The following SLC28A3 variants were observed in gnomAD, a reference collection of about 807,000 sequenced individuals.
SLC28A3 encodes the protein concentrative Na(+)-nucleoside cotransporter 3.
A neutral mutation model predicts 84.2 loss-of-function variants in SLC28A3; 68 were observed. The ratio of observed to expected loss-of-function variants is 0.81; its 90% CI spans 0.66 to 0.99. SLC28A3 has a LOEUF of 0.99. SLC28A3 is among the 50% of genes least tolerant of loss of function. The probability of loss-of-function intolerance (pLI) is 0.00; values close to 1 mark genes in which losing one functional copy is unlikely to be tolerated. For synonymous variants in SLC28A3, 267 were observed against 303.6 expected (o/e 0.88, Z 1.25); for missense variants, 712 against 841.5 (o/e 0.85, Z 1.90).
chr9:84,316,092 G>A (rs1192808705), intron 1 of SLC28A3, among the ~76,000 whole-genome samples: 1 of 152,154 alleles, frequency 6.6e-6, no homozygotes, highest in African/African-American at 2.4e-5. Context: ...TAGTAACCAG[G>A]AGTACATTGT....
Position 84,280,898 on chromosome 9 carries a change from AAC to A in SLC28A3, c.1648-18_1648-17del. The stretch of plus-strand genomic sequence containing the variant: ...CAGAACGAATCTGTAAGCAAGCATA[AAC>A]ACATATGTATACACAATCTGAGCTG... On this transcript the variant is annotated splice_polypyrimidine_tract_variant and intron_variant, in intron 14 of 17. Transcript: ENST00000376238. 1 of 1,613,180 alleles carries A rather than the reference AAC, an allele frequency of 6.2e-7. No individual in the cohort carries two copies. The highest frequency in any genetic ancestry group is 8.5e-7 in the Non-Finnish European group (1 of 1,179,402).
chr9:84,344,282 G>A (rs558557975), upstream of SLC28A3, among the ~76,000 whole-genome samples: 5 of 145,828 alleles, frequency 3.4e-5, no homozygotes, highest in East Asian at 4.1e-4. Flanking sequence ...TCCGACTTCC[G>A]GGTTCAAGTG....
rs1355847619 is a variant in SLC28A3, at chr9:84,299,725, C to T, written c.525G>A (p.Trp175Ter). 1 of 1,580,714 alleles carries T rather than the reference C, an allele frequency of 6.3e-7. No individual in the cohort carries two copies. Among genetic ancestry groups the T allele is most frequent in the East Asian group, 2.2e-5 (1 of 44,646 alleles). The change falls in exon 6 of 18, where the codon TGG (tryptophan) becomes TGA (stop). Residue 175 changes from tryptophan (W) to a stop codon, truncating the protein, a stop_gained and splice_region_variant. Coordinates refer to ENST00000376238, the MANE Select transcript of SLC28A3 (RefSeq NM_001199633.2). LOFTEE classifies it high-confidence loss of function. ...CTAGGACCAGGGAGCTCCAGATCAC[C>T]CTAAGAGAAGGGGAAAGGAGGCATT... ...LLNSHWFWLK[W>*]VIWSSLVLAV...
At chr9:84,334,641 T>TA (rs35255888) in intron 1 of SLC28A3, among the ~76,000 whole-genome samples, 14 of 150,920 alleles carry the variant, frequency 9.3e-5, no homozygotes, top group African/African-American at 3.2e-4. Flanking sequence ...TTTTTTTTTT[T>TA]AACATAAAAA....
chr9:84,290,376 A>G (rs1189638817), intron 10 of SLC28A3, 97 bp from the exon 11 acceptor site: 22 of 1,475,130 alleles, frequency 1.5e-5, no homozygotes, highest in Non-Finnish European at 1.2e-5. Flanking sequence ...TTTAAAGCAG[A>G]CAGTTTCTAA....
chr9:84,365,748 A>T, the SLC28A3 span, among the ~76,000 whole-genome samples: 1 of 152,142 alleles, frequency 6.6e-6, no homozygotes. Flanking sequence ...ATATTTTCAG[A>T]CAAGATTGGG....
chr9:84,339,738 C>A (rs1827095168), intron 1 of SLC28A3, among the ~76,000 whole-genome samples: 1 of 152,164 alleles, frequency 6.6e-6, no homozygotes, highest in Admixed American at 6.5e-5. Context: ...TCACTGTGAC[C>A]ATGGGACAGA....
At chr9:84,360,730 C>T in the SLC28A3 span, among the ~76,000 whole-genome samples, 1 of 151,240 alleles carries the variant, frequency 6.6e-6, no homozygotes, top group South Asian at 2.1e-4. Context: ...CCAGTCTGGG[C>T]AACATAGTGA....
chr9:84,313,406 T>C lies in SLC28A3; in HGVS notation c.109A>G (p.Ile37Val), dbSNP rs558328765. 1 of 1,614,136 alleles carries C rather than the reference T, an allele frequency of 6.2e-7. No homozygotes were observed. Among genetic ancestry groups the C allele is most frequent in the South Asian group, 1.1e-5 (1 of 91,084 alleles). Residue 37 changes from isoleucine to valine, a missense_variant, in exon 2 of 18, where the codon ATA (isoleucine) becomes GTA (valine). Coordinates refer to ENST00000376238, the MANE Select transcript of SLC28A3 (RefSeq NM_001199633.2). ...CTGCTTTGCACAGCTCTGCTTCTTA[T>C]TGAGTTGTTTCCTGATGTGTTCTCG... ...ENENTSGNNSIRSRAVQSREH... is the reference protein window; with the variant it reads ...ENENTSGNNSVRSRAVQSREH...
At chr9:84,285,621 C>A in intron 13 of SLC28A3, 79 bp from the exon 14 acceptor site, 1 of 1,415,176 alleles carries the variant, frequency 7.1e-7, no homozygotes, top group Non-Finnish European at 9.9e-7. Flanking sequence ...AACACTGTTC[C>A]TGACCCCTCT....
chr9:84,301,605 G>A (rs1187276264), intron 5 of SLC28A3, among the ~76,000 whole-genome samples: 1 of 152,150 alleles, frequency 6.6e-6, no homozygotes, highest in South Asian at 2.1e-4. Context: ...AAGAGAATGG[G>A]TACAACTTGT....
intron 1 of SLC28A3, among the ~76,000 whole-genome samples, chr9:84,329,819 T>C (rs961939764): frequency 3.3e-5 from 5 of 152,128 alleles, no homozygotes; most frequent in African/African-American, 1.2e-4. Context: ...GGATTGCTTG[T>C]ACCCAGGAGT....
chr9:84,285,245 CA>C (rs1824933949), intron 14 of SLC28A3, 99 bp downstream of exon 14: 5 of 1,192,238 alleles, frequency 4.2e-6, no homozygotes, highest in South Asian at 2.8e-5. Flanking sequence ...TAATCTATCC[CA>C]GGTGCCTGGC....
At chr9:84,351,477 G>A in the SLC28A3 span, among the ~76,000 whole-genome samples, 3 of 151,966 alleles carry the variant, frequency 2.0e-5, no homozygotes, top group Non-Finnish European at 2.9e-5. Flanking sequence ...TGGGCAACAT[G>A]GTAAAACCCC....
At chr9:84,326,072 T>A (rs1356592809) in intron 1 of SLC28A3, among the ~76,000 whole-genome samples, 2 of 152,190 alleles carry the variant, frequency 1.3e-5, no homozygotes, top group Non-Finnish European at 2.9e-5. Context: ...TTTGTCTGCA[T>A]GTATCTGCAA....
chr9:84,337,571 G>T (rs1827024394), intron 1 of SLC28A3, among the ~76,000 whole-genome samples: 1 of 152,108 alleles, frequency 6.6e-6, no homozygotes, highest in Non-Finnish European at 1.5e-5. Context: ...GAGCCAGTTT[G>T]CTGACTGTTT....
intron 4 of SLC28A3, among the ~76,000 whole-genome samples, chr9:84,303,463 G>A (rs1275724230): frequency 6.6e-6 from 1 of 152,176 alleles, no homozygotes; most frequent in African/African-American, 2.4e-5. Flanking sequence ...TGGGATTACA[G>A]GCATGTGCCA....
At chr9:84,279,825 A>C in intron 16 of SLC28A3, 150 bp downstream of exon 16, 1 of 676,910 alleles carries the variant, frequency 1.5e-6, no homozygotes, top group African/African-American at 1.8e-5. Context: ...CACACTGCAC[A>C]CATTTAACTT....
chr9:84,336,381 G>A (rs1450738054), intron 1 of SLC28A3, among the ~76,000 whole-genome samples: 1 of 152,156 alleles, frequency 6.6e-6, no homozygotes, highest in Admixed American at 6.5e-5. Flanking sequence ...GCATATGCCT[G>A]TAAACTCAGC....
Sources: allele counts gnomAD v4.1 joint callset (sites outside exome capture counted in the v4.1 genomes callset), GRCh38; gene constraint gnomAD v4.1.1; transcripts MANE v1.5; gene names NCBI Gene and HGNC (gene_info 2026-07-23, HGNC 2026-07-21).